KLHDC1: variants seen among roughly 807,000 people sequenced by gnomAD.
KLHDC1 encodes the protein kelch domain-containing protein 1.
In KLHDC1, 53 loss-of-function variants were observed where a neutral mutation model predicts 68.3. That is an observed-to-expected ratio of 0.78 (90% CI 0.62 to 0.98). KLHDC1 has a LOEUF of 0.98. KLHDC1 is among the 50% of genes least tolerant of loss of function. The pLI is 0.00. For missense variants in KLHDC1, 470 were observed against 492.3 expected (o/e 0.95, Z 0.43); for synonymous variants, 148 against 159.0 (o/e 0.93, Z 0.52).
At chr14:49,721,755 G>A (rs1888530125) in intron 4 of KLHDC1, among the ~76,000 whole-genome samples, 1 of 152,110 alleles carries the variant, frequency 6.6e-6, no homozygotes, top group South Asian at 2.1e-4. Flanking sequence ...TCTCAGAACT[G>A]TGGGAGATCT....
chr14:49,698,238 C>G (rs1887797681), intron 1 of KLHDC1, among the ~76,000 whole-genome samples: 1 of 152,230 alleles, frequency 6.6e-6, no homozygotes, highest in African/African-American at 2.4e-5. Context: ...GAGTCTTGCT[C>G]TGTCGCCCAG....
intron 1 of KLHDC1, chr14:49,708,249 T>TTTTTA (rs1888111910): frequency 6.6e-6 from 1 of 151,884 alleles, no homozygotes; most frequent in African/African-American, 2.4e-5. Flanking sequence ...TTTTTTTGTA[T>TTTTTA]TTTTAGTAGA....
At position 49,734,679 on chromosome 14, in the gene KLHDC1, C is replaced by CAAATAGTA. The variant is rs1388539157; in HGVS notation, c.896+26_896+33dup. ...AGACCTAGGTAAGTCAAGAAATTGA[C>CAAATAGTA]AAATAGTAAAATAGTTAAGAATTTT... On this transcript the variant is annotated intron_variant, in intron 10 of 12. Coordinates refer to ENST00000359332, the MANE Select transcript of KLHDC1 (RefSeq NM_172193.3). 4.3e-6 allele frequency: 6 copies of CAAATAGTA among 1,406,196 alleles called. No individual in the cohort carries two copies. The highest frequency in any genetic ancestry group is 6.0e-6 in the Non-Finnish European group (6 of 1,005,510). The allele number at this position is 1,406,196 out of a possible 1,614,324, so 87.1% of individuals were successfully genotyped here. A position where few individuals can be genotyped will look rare whatever the true frequency, so the allele number is the denominator to read the frequency against.
At chr14:49,710,449 C>T (rs1230340049) in intron 4 of KLHDC1, 68 bp downstream of exon 4, 1 of 835,092 alleles carries the variant, frequency 1.2e-6, no homozygotes, top group Non-Finnish European at 2.0e-6. Context: ...GGCTAAAATA[C>T]AGAATGCTTA....
intron 12 of KLHDC1, among the ~76,000 whole-genome samples, chr14:49,747,254 T>A (rs561045519): frequency 6.6e-6 from 1 of 152,194 alleles, no homozygotes; most frequent in East Asian, 1.9e-4. Flanking sequence ...GCCTTAACTT[T>A]CTTTCATATC....
intron 1 of KLHDC1, among the ~76,000 whole-genome samples, chr14:49,704,543 G>A (rs574572278): frequency 1.3e-5 from 2 of 151,646 alleles, no homozygotes; most frequent in Non-Finnish European, 2.9e-5. Flanking sequence ...ACAGGCACCC[G>A]CCACCATGCC....
chr14:49,730,147 G>A (rs1409487860), intron 8 of KLHDC1, among the ~76,000 whole-genome samples: 2 of 151,064 alleles, frequency 1.3e-5, no homozygotes, highest in Non-Finnish European at 2.9e-5. Flanking sequence ...ATATTTCTCT[G>A]TAGAAAAATG....
At chr14:49,732,463 G>A (rs954854018) in intron 8 of KLHDC1, among the ~76,000 whole-genome samples, 4 of 152,136 alleles carry the variant, frequency 2.6e-5, no homozygotes, top group East Asian at 1.9e-4. Flanking sequence ...ATGAGCCACC[G>A]CGTCGGCTGA....
intron 5 of KLHDC1, 42 bp downstream of exon 5, chr14:49,723,994 A>T: frequency 1.7e-6 from 2 of 1,147,298 alleles, no homozygotes; most frequent in Non-Finnish European, 2.6e-6. Context: ...CCAAGTCAGT[A>T]TAGCCTTAAC....
At chr14:49,741,506 C>T (rs753638959) in intron 11 of KLHDC1, among the ~76,000 whole-genome samples, 2 of 151,790 alleles carry the variant, frequency 1.3e-5, no homozygotes, top group Admixed American at 6.6e-5. Context: ...GAGGTTTCAC[C>T]GTGTTGGTCA....
At chr14:49,746,950 C>CTT (rs527399327) in intron 12 of KLHDC1, among the ~76,000 whole-genome samples, 119 of 139,094 alleles carry the variant, frequency 8.6e-4, no homozygotes, top group African/African-American at 2.6e-3. Flanking sequence ...AGCTTTCTCT[C>CTT]TTTTTTTTTT....
chr14:49,730,326 A>G (rs920021502), intron 8 of KLHDC1, among the ~76,000 whole-genome samples: 3 of 151,472 alleles, frequency 2.0e-5, no homozygotes, highest in East Asian at 1.9e-4. Context: ...GGTTCAAGCA[A>G]TTCTCCTGCC....
chr14:49,734,687 A>G (rs775036180), intron 10 of KLHDC1, 26 bp downstream of exon 10: 2 of 1,320,818 alleles, frequency 1.5e-6, no homozygotes, highest in East Asian at 2.4e-5. Flanking sequence ...GACAAATAGT[A>G]AAATAGTTAA....
intron 1 of KLHDC1, among the ~76,000 whole-genome samples, chr14:49,698,742 C>A (rs1887814327): frequency 6.6e-6 from 1 of 151,154 alleles, no homozygotes; most frequent in African/African-American, 2.4e-5. Flanking sequence ...TCTCAAACTC[C>A]TGACCTTAGG....
intron 11 of KLHDC1, among the ~76,000 whole-genome samples, chr14:49,742,701 C>T (rs1057484937): frequency 6.0e-5 from 9 of 150,324 alleles, no homozygotes; most frequent in South Asian, 4.2e-4. Flanking sequence ...AGAGAATTCC[C>T]GGGGAATCTT....
chr14:49,747,156 C>A (rs1430940216), intron 12 of KLHDC1, among the ~76,000 whole-genome samples: 5 of 152,082 alleles, frequency 3.3e-5, no homozygotes, highest in Non-Finnish European at 4.4e-5. Context: ...ACCATGTTAG[C>A]CAGGATGGTC....
intron 6 of KLHDC1, among the ~76,000 whole-genome samples, chr14:49,727,838 A>T (rs1354633080): frequency 6.6e-6 from 1 of 152,216 alleles, no homozygotes; most frequent in African/African-American, 2.4e-5. Context: ...ATGATATTGG[A>T]TGCAGAGCTT....
chr14:49,738,164 A>G (rs970373707), intron 10 of KLHDC1, among the ~76,000 whole-genome samples: 2 of 151,888 alleles, frequency 1.3e-5, no homozygotes, highest in Admixed American at 1.3e-4. Context: ...AGTAGCTGGG[A>G]CTACAGGCGA....
At chr14:49,748,595 G>T (rs1889251716) in intron 12 of KLHDC1, among the ~76,000 whole-genome samples, 1 of 151,682 alleles carries the variant, frequency 6.6e-6, no homozygotes, top group Non-Finnish European at 1.5e-5. Flanking sequence ...GGATATAAAA[G>T]AATATTATAA....
Sources: gnomAD v4.1 joint callset for allele counts (sites outside exome capture counted in the v4.1 genomes callset) on GRCh38, gnomAD v4.1.1 for gene constraint, MANE v1.5 for transcripts, NCBI Gene and HGNC (gene_info 2026-07-23, HGNC 2026-07-21) for gene names.